Variants in FBXO34 observed in about 807,000 individuals in gnomAD.
FBXO34 encodes the protein F-box only protein 34.
FBXO34 carries 12 observed loss-of-function variants against 24.5 expected under a neutral mutation model. That is an observed-to-expected ratio of 0.49 (90% CI 0.31 to 0.79). FBXO34 has a LOEUF of 0.79. Ranked by LOEUF, FBXO34 falls within the 30% of genes least tolerant of loss-of-function variation. FBXO34 has a pLI of 0.04. For missense variants in FBXO34, 823 were observed against 857.7 expected (o/e 0.96, Z 0.51); for synonymous variants, 320 against 311.9 (o/e 1.03, Z -0.27).
At chr14:55,309,337 A>G (rs1316695085) in intron 1 of FBXO34, among the ~76,000 whole-genome samples, 2 of 152,178 alleles carry the variant, frequency 1.3e-5, no homozygotes, top group South Asian at 2.1e-4. Flanking sequence ...ATGTCTCTAC[A>G]GCAATGTCTC....
At chr14:55,303,347 C>T (rs1158638260) in intron 1 of FBXO34, among the ~76,000 whole-genome samples, 1 of 152,174 alleles carries the variant, frequency 6.6e-6, no homozygotes, top group Non-Finnish European at 1.5e-5. Context: ...TGTGAAATGT[C>T]AGACTCAGAA....
In FBXO34 at chr14:55,350,702, A is replaced by G. The variant is rs750233891; in HGVS notation, c.312A>G (p.Pro104=). 1 of 1,613,540 alleles carries G rather than the reference A, an allele frequency of 6.2e-7. No individual in the cohort carries two copies. Among genetic ancestry groups the G allele is most frequent in the Non-Finnish European group, 8.5e-7 (1 of 1,179,902 alleles). ...ATIHQGEEEG[P]LDIWAVVKPG... is the part of the protein sequence containing the mutation. The stretch of plus-strand genomic sequence containing the variant: ...TCCACCAGGGCGAAGAAGAAGGACC[A>G]CTTGATATCTGGGCTGTTGTGAAAC... Residue 104 remains proline, a synonymous_variant, in exon 2 of 2, where the codon CCA becomes CCG. Transcript: ENST00000313833.
At chr14:55,318,091 C>G (rs967648056) in intron 1 of FBXO34, 1 of 151,822 alleles carries the variant, frequency 6.6e-6, no homozygotes, top group Non-Finnish European at 1.5e-5. Flanking sequence ...AGTTCTTTAA[C>G]TCTTACTCAT....
At chr14:55,283,406 T>C (rs1170748366) in intron 1 of FBXO34, among the ~76,000 whole-genome samples, 1 of 152,174 alleles carries the variant, frequency 6.6e-6, no homozygotes, top group Non-Finnish European at 1.5e-5. Flanking sequence ...TTTAGCATAA[T>C]TTTACAGATA....
chr14:55,422,677 C>T, the FBXO34 span, among the ~76,000 whole-genome samples: 1 of 152,110 alleles, frequency 6.6e-6, no homozygotes, highest in Non-Finnish European at 1.5e-5. Flanking sequence ...TTTGGCAAAA[C>T]CCCATCTCTT....
the FBXO34 span, among the ~76,000 whole-genome samples, chr14:55,379,877 T>C: frequency 2.3e-4 from 35 of 152,342 alleles, no homozygotes; most frequent in African/African-American, 8.4e-4. Context: ...CAGGCCACCA[T>C]GCCCAGCTAG....
At position 55,353,598 on chromosome 14, in the gene FBXO34, C is replaced by T. The variant is rs905660996; in HGVS notation, c.*1072C>T. 1.8e-5 allele frequency: 3 copies of T among 167,068 alleles called. No individual in the cohort carries two copies. The highest frequency in any genetic ancestry group is 7.2e-5 in the African/African-American group (3 of 41,448). 10.3% of individuals were successfully genotyped at this position (167,068 alleles called of 1,614,324 possible). ...TTTTTAAAACTTAAATAAAAACATG[C>T]ATCTTAAATGGAACCCAAGTTTTGC... On this transcript the variant is annotated 3_prime_UTR_variant, in exon 2 of 2. Transcript: ENST00000313833.
intron 1 of FBXO34, among the ~76,000 whole-genome samples, chr14:55,336,867 C>T (rs1271944620): frequency 6.8e-6 from 1 of 147,144 alleles, no homozygotes; most frequent in Non-Finnish European, 1.5e-5. Context: ...TATACATGCA[C>T]GCACACACAC....
At chr14:55,355,624 A>G (rs891928542), downstream of FBXO34, among the ~76,000 whole-genome samples, 2 of 152,244 alleles carry the variant, frequency 1.3e-5, no homozygotes, top group African/African-American at 4.8e-5. Flanking sequence ...GGTGATTTAA[A>G]GTAGATGGGA....
chr14:55,408,865 CCTTAGAGT>C, the FBXO34 span, among the ~76,000 whole-genome samples: 5 of 152,188 alleles, frequency 3.3e-5, no homozygotes, highest in Admixed American at 6.5e-5. Context: ...TTAAACTCAA[CCTTAGAGT>C]CTAAATTAGA....
chr14:55,373,100 C>G (rs1472368725), downstream of FBXO34, among the ~76,000 whole-genome samples: 5 of 152,194 alleles, frequency 3.3e-5, no homozygotes, highest in African/African-American at 9.7e-5. Context: ...AAGCTAGAGA[C>G]ACAGCACACA....
chr14:55,420,165 G>A, the FBXO34 span, among the ~76,000 whole-genome samples: 3 of 152,210 alleles, frequency 2.0e-5, no homozygotes, highest in Admixed American at 1.3e-4. Flanking sequence ...CCGCCTCCCA[G>A]GTTCAAGCGA....
At chr14:55,341,633 A>G (rs1197149555) in intron 1 of FBXO34, among the ~76,000 whole-genome samples, 1 of 152,150 alleles carries the variant, frequency 6.6e-6, no homozygotes, top group Non-Finnish European at 1.5e-5. Context: ...TGCTCAATGT[A>G]TTTTTCAAAA....
At chr14:55,441,238 T>G in the FBXO34 span, among the ~76,000 whole-genome samples, 1 of 151,740 alleles carries the variant, frequency 6.6e-6, no homozygotes, top group South Asian at 2.1e-4. Flanking sequence ...AGCCTCGACC[T>G]CCTGGACTCA....
intron 1 of FBXO34, among the ~76,000 whole-genome samples, chr14:55,344,947 GT>G (rs199655422): frequency 0.058 from 8,844 of 152,204 alleles, 327 homozygotes; most frequent in South Asian, 0.089. Flanking sequence ...CAGCAACGAT[GT>G]TTTACTCATA....
the FBXO34 span, chr14:55,395,262 C>T: frequency 3.3e-5 from 11 of 338,388 alleles, no homozygotes; most frequent in African/African-American, 8.8e-5. Context: ...GTGTGCCAAG[C>T]GCCTGCGAGG....
intron 1 of FBXO34, among the ~76,000 whole-genome samples, chr14:55,294,071 T>A (rs1471112886): frequency 2.0e-5 from 3 of 152,246 alleles, no homozygotes; most frequent in African/African-American, 7.2e-5. Flanking sequence ...TCTATCACCT[T>A]CTTAAGTCTG....
downstream of FBXO34, among the ~76,000 whole-genome samples, chr14:55,364,312 A>C (rs2140106576): frequency 6.6e-6 from 1 of 152,236 alleles, no homozygotes; most frequent in South Asian, 2.1e-4. Flanking sequence ...CCACCACCAG[A>C]GTATCTCTGG....
At chr14:55,354,946 G>A (rs768291409), downstream of FBXO34, 1 of 152,126 alleles carries the variant, frequency 6.6e-6, no homozygotes, top group Non-Finnish European at 1.5e-5. Flanking sequence ...CAGCACCCTA[G>A]CCTCTCCCCA....
Sources: gnomAD v4.1 joint callset for allele counts (sites outside exome capture counted in the v4.1 genomes callset) on GRCh38, gnomAD v4.1.1 for gene constraint, MANE v1.5 for transcripts, NCBI Gene and HGNC (gene_info 2026-07-23, HGNC 2026-07-21) for gene names.